Variants in RAB33B observed in about 807,000 individuals in gnomAD.
RAB33B encodes the protein RAB33B, member RAS oncogene family, also known as ras-related protein Rab-33B.
In RAB33B, 6 loss-of-function variants were observed where a neutral mutation model predicts 15.0. The ratio of observed to expected loss-of-function variants is 0.40; its 90% CI spans 0.22 to 0.79. The LOEUF (loss-of-function observed/expected upper bound fraction) is 0.79. RAB33B is among the 30% of genes least tolerant of loss of function. RAB33B has a pLI of 0.37. For synonymous variants in RAB33B, 117 were observed against 108.3 expected (o/e 1.08, Z -0.50); for missense variants, 257 against 296.4 (o/e 0.87, Z 0.98).
the RAB33B span, among the ~76,000 whole-genome samples, chr4:139,440,110 A>G: frequency 6.6e-6 from 1 of 152,010 alleles, no homozygotes; most frequent in African/African-American, 2.4e-5. Context: ...TGTTTTTGTT[A>G]CTGTTTTTAT....
chr4:139,457,729 T>C (rs1383810005), intron 1 of RAB33B, among the ~76,000 whole-genome samples: 2 of 152,228 alleles, frequency 1.3e-5, no homozygotes, highest in Non-Finnish European at 2.9e-5. Flanking sequence ...TGCCTGTTTT[T>C]ACATGGCCAC....
At chr4:139,458,877 T>G (rs1332742868) in intron 1 of RAB33B, among the ~76,000 whole-genome samples, 1 of 152,166 alleles carries the variant, frequency 6.6e-6, no homozygotes, top group Non-Finnish European at 1.5e-5. Flanking sequence ...CCACCAGCAG[T>G]GTATAAGTGT....
At position 139,476,044 on chromosome 4, in the gene RAB33B, C is replaced by T. The variant is rs920253922; in HGVS notation, c.*2918C>T. ...TGAAAACAACAAAAAGCCCCCAACC[C>T]ATTGGACAATTATTTTCTTGTATAC... On this transcript the variant is annotated 3_prime_UTR_variant, in exon 2 of 2. Transcript: ENST00000305626. 28 of 152,092 alleles carry T rather than the reference C, an allele frequency of 1.8e-4. No homozygotes were observed. Among genetic ancestry groups the T allele is most frequent in the African/African-American group, 2.4e-5 (1 of 41,404 alleles). The allele number at this position is 152,092 out of a possible 1,614,324, so 9.4% of individuals were successfully genotyped here.
chr4:139,475,689 AAAAT>A lies in RAB33B; in HGVS notation c.*2570_*2573del, dbSNP rs1229881750. Reference sequence around the variant, plus strand: ...TTATTTTAACTATGACCTTTAATTGAAAATAAATAATTAAAATATCAGACATGTT... The same window carrying A: ...TTATTTTAACTATGACCTTTAATTGAAAATAATTAAAATATCAGACATGTT... On this transcript the variant is annotated 3_prime_UTR_variant, in exon 2 of 2. Transcript: ENST00000305626. The A allele has an allele frequency of 6.6e-6, 1 of 152,166 alleles. No homozygotes were observed. The highest frequency in any genetic ancestry group is 1.9e-4 in the East Asian group (1 of 5,206). The allele number at this position is 152,166 out of a possible 1,614,324, so 9.4% of individuals were successfully genotyped here.
In RAB33B at chr4:139,472,501, A is replaced by G. The variant is rs1281142619; in HGVS notation, c.250-185A>G. Among the ~76,000 whole-genome samples the G allele has an allele frequency of 7.2e-5, 11 of 152,332 alleles. No homozygotes were observed. In the South Asian group the frequency reaches 1.7e-3, roughly 23 times the overall value. On this transcript the variant is annotated intron_variant, in intron 1 of 1. Coordinates refer to ENST00000305626, the MANE Select transcript of RAB33B (RefSeq NM_031296.3). The stretch of plus-strand genomic sequence containing the variant: ...GTTCCGACACTTGTATTATAATTTA[A>G]TTGTGAGGTAACTGGTATCATGAAG...
intron 1 of RAB33B, among the ~76,000 whole-genome samples, chr4:139,461,610 TG>T (rs1215896967): frequency 2.0e-5 from 3 of 151,896 alleles, no homozygotes; most frequent in Non-Finnish European, 4.4e-5. Context: ...GAGATGGTAG[TG>T]GGGAAAAAAA....
chr4:139,438,687 CA>C, the RAB33B span, among the ~76,000 whole-genome samples: 1 of 152,096 alleles, frequency 6.6e-6, no homozygotes, highest in African/African-American at 2.4e-5. Context: ...CCAACAAAAG[CA>C]AAGTTACAAT....
At position 139,473,532 on chromosome 4, in the gene RAB33B, C is replaced by A; in HGVS notation, c.*406C>A. 6.1e-6 allele frequency: 1 copy of A among 164,178 alleles called. No homozygotes were observed. The allele number at this position is 164,178 out of a possible 1,614,324, so 10.2% of individuals were successfully genotyped here. Reference sequence around the variant, plus strand: ...TTAATAGGATAAAAACTGGTATTTGCCTCTCCCCAGAGTACTTTTTTTGTT... The same window carrying A: ...TTAATAGGATAAAAACTGGTATTTGACTCTCCCCAGAGTACTTTTTTTGTT... On this transcript the variant is annotated 3_prime_UTR_variant, in exon 2 of 2. Coordinates refer to ENST00000305626, the MANE Select transcript of RAB33B (RefSeq NM_031296.3).
In RAB33B at chr4:139,454,413, G is replaced by T. The variant is rs1222118960; in HGVS notation, c.218G>T (p.Arg73Leu). The change falls in exon 1 of 2, where the codon CGA becomes CTA. Residue 73 changes from arginine (R) to leucine (L), a missense_variant. Transcript: ENST00000305626. The stretch of plus-strand genomic sequence containing the variant: ...ACGATAGGGGTGGATTTCCGAGAAC[G>T]AGCGGTGGAGATTGATGGGGAGCGC... ...EATIGVDFRERAVEIDGERIK... is the reference protein window; with the variant it reads ...EATIGVDFRELAVEIDGERIK... 2 of 1,611,792 alleles carry T rather than the reference G, an allele frequency of 1.2e-6. No individual in the cohort carries two copies. The highest frequency in any genetic ancestry group is 3.3e-5 in the Admixed American group (2 of 60,018).
At position 139,468,547 on chromosome 4, in the gene RAB33B, G is replaced by T. The variant is rs117976052; in HGVS notation, c.250-4139G>T. On this transcript the variant is annotated intron_variant, in intron 1 of 1. Transcript: ENST00000305626. Reference sequence around the variant, plus strand: ...AAAAGTCATCGTAGTTATTATTTTTGATTGGTTCATCATTTAGTCTTTCTA... The same window carrying T: ...AAAAGTCATCGTAGTTATTATTTTTTATTGGTTCATCATTTAGTCTTTCTA... 5.6e-4 allele frequency among the ~76,000 whole-genome samples: 85 copies of T among 152,136 alleles called. 1 individual carries two copies. The East Asian group carries it at 0.015, about 28-fold the overall frequency.
rs551364896 is a variant in RAB33B, at chr4:139,476,421, T to C, written c.*3295T>C. 1.3e-5 allele frequency: 2 copies of C among 152,340 alleles called. No homozygotes were observed. Among genetic ancestry groups the C allele is most frequent in the South Asian group, 4.1e-4 (2 of 4,824 alleles). 9.4% of individuals were successfully genotyped at this position (152,340 alleles called of 1,614,324 possible). On this transcript the variant is annotated 3_prime_UTR_variant, in exon 2 of 2. Transcript: ENST00000305626. ...GTTACCCTTGTGTTCAAACACAAAATTGACATTATTCATGAAGGACTGCTT... is the reference window on the plus strand; with the variant it reads ...GTTACCCTTGTGTTCAAACACAAAACTGACATTATTCATGAAGGACTGCTT...
At chr4:139,444,803 G>C in the RAB33B span, among the ~76,000 whole-genome samples, 1 of 152,164 alleles carries the variant, frequency 6.6e-6, no homozygotes, top group Non-Finnish European at 1.5e-5. Context: ...CTTAGCAGCT[G>C]GCAGAACCCC....
At chr4:139,462,623 C>T (rs1205063551) in intron 1 of RAB33B, among the ~76,000 whole-genome samples, 1 of 152,180 alleles carries the variant, frequency 6.6e-6, no homozygotes, top group African/African-American at 2.4e-5. Flanking sequence ...TTAGTGACAT[C>T]TCAAGAGAAC....
chr4:139,457,157 T>A (rs375088010), intron 1 of RAB33B, among the ~76,000 whole-genome samples: 1 of 152,218 alleles, frequency 6.6e-6, no homozygotes, highest in African/African-American at 2.4e-5. Flanking sequence ...CCTTTCAGAA[T>A]CCGTTAAAAT....
At chr4:139,468,254 TACTC>T (rs1289408207) in intron 1 of RAB33B, among the ~76,000 whole-genome samples, 4 of 152,162 alleles carry the variant, frequency 2.6e-5, no homozygotes, top group African/African-American at 7.2e-5. Context: ...TCTTGAGACT[TACTC>T]ACTGTCATGA....
In RAB33B at chr4:139,475,217, G is replaced by A. The variant is rs1220488360; in HGVS notation, c.*2091G>A. The A allele has an allele frequency of 6.6e-6, 1 of 151,980 alleles. No homozygotes were observed. The highest frequency in any genetic ancestry group is 1.5e-5 in the Non-Finnish European group (1 of 67,904). The allele number at this position is 151,980 out of a possible 1,614,324, so 9.4% of individuals were successfully genotyped here. A position where few individuals can be genotyped will look rare whatever the true frequency, so the allele number is the denominator to read the frequency against. Reference sequence around the variant, plus strand: ...ATGACAGCTGTAGTAACTATGATGGGTGTAACAACATTTTTTTAAAGAAGG... The same window carrying A: ...ATGACAGCTGTAGTAACTATGATGGATGTAACAACATTTTTTTAAAGAAGG... On this transcript the variant is annotated 3_prime_UTR_variant, in exon 2 of 2. Transcript: ENST00000305626.
intron 1 of RAB33B, among the ~76,000 whole-genome samples, chr4:139,468,347 A>AT: frequency 6.6e-6 from 1 of 152,316 alleles, no homozygotes; most frequent in South Asian, 2.1e-4. Flanking sequence ...GGAATTCAAG[A>AT]TGAGATTTGG....
intron 1 of RAB33B, among the ~76,000 whole-genome samples, chr4:139,468,334 G>A (rs898813842): frequency 2.6e-5 from 4 of 152,150 alleles, no homozygotes; most frequent in Non-Finnish European, 4.4e-5. Flanking sequence ...CCCACAACAC[G>A]TGGGAATTCA....
chr4:139,459,901 G>A (rs1750139564), intron 1 of RAB33B, among the ~76,000 whole-genome samples: 1 of 152,122 alleles, frequency 6.6e-6, no homozygotes, highest in South Asian at 2.1e-4. Flanking sequence ...AAAGCGCTGG[G>A]ATTACAGGCG....
Sources: allele counts gnomAD v4.1 joint callset (sites outside exome capture counted in the v4.1 genomes callset), GRCh38; gene constraint gnomAD v4.1.1; transcripts MANE v1.5; gene names NCBI Gene and HGNC (gene_info 2026-07-23, HGNC 2026-07-21).